The following CFDP1 variants were observed in gnomAD, a reference collection of about 807,000 sequenced individuals.
CFDP1 encodes chromatin remodeling protein CFDP1, also known as heterochromatin-stabilizing protein CFDP1.
Under a neutral mutation model 40.1 loss-of-function variants are expected in CFDP1, and 31 were observed. That is an observed-to-expected ratio of 0.77 (90% CI 0.58 to 1.04). The LOEUF is 1.04. Ranked by LOEUF, CFDP1 falls within the 50% of genes least tolerant of loss-of-function variation. The probability of loss-of-function intolerance (pLI) is 0.00; values close to 1 mark genes in which losing one functional copy is unlikely to be tolerated. For synonymous variants in CFDP1, 167 were observed against 120.0 expected (o/e 1.39, Z -2.56); for missense variants, 423 against 343.4 (o/e 1.23, Z -1.83).
chr16:75,315,903 C>G (rs1042721311), intron 5 of CFDP1, among the ~76,000 whole-genome samples: 2 of 152,190 alleles, frequency 1.3e-5, no homozygotes, highest in Non-Finnish European at 2.9e-5. Context: ...TCCCCATTCT[C>G]TCTCAAAATG....
chr16:75,338,950 C>T (rs912192834), intron 5 of CFDP1, among the ~76,000 whole-genome samples: 2 of 152,136 alleles, frequency 1.3e-5, no homozygotes, highest in African/African-American at 2.4e-5. Context: ...CTGGACGCTT[C>T]CATTATATGT....
At chr16:75,303,976 T>C (rs956406687) in intron 6 of CFDP1, among the ~76,000 whole-genome samples, 3 of 152,206 alleles carry the variant, frequency 2.0e-5, no homozygotes, top group Admixed American at 2.0e-4. Flanking sequence ...TTTTGAGCCA[T>C]GAAGCCACTT....
chr16:75,427,439 G>A (rs1345369987), intron 1 of CFDP1, among the ~76,000 whole-genome samples: 2 of 152,046 alleles, frequency 1.3e-5, no homozygotes, highest in Non-Finnish European at 2.9e-5. Context: ...TTTTAGTAGA[G>A]ACAGGGTTTC....
intron 6 of CFDP1, among the ~76,000 whole-genome samples, chr16:75,295,141 T>A (rs1049628141): frequency 6.6e-6 from 1 of 152,240 alleles, no homozygotes; most frequent in Non-Finnish European, 1.5e-5. Context: ...ATAGTGAGAA[T>A]GCTACCAGGT....
intron 5 of CFDP1, among the ~76,000 whole-genome samples, chr16:75,362,603 CAAGCTGTAAGTT>C (rs1386056277): frequency 2.0e-5 from 3 of 152,184 alleles, no homozygotes; most frequent in Non-Finnish European, 4.4e-5. Flanking sequence ...ACCTACAACA[CAAGCTGTAAGTT>C]AAGGTACCCT....
At chr16:75,417,372 AT>A (rs2151591543) in intron 1 of CFDP1, among the ~76,000 whole-genome samples, 1 of 152,320 alleles carries the variant, frequency 6.6e-6, no homozygotes, top group Admixed American at 6.5e-5. Context: ...CATCTAAATA[AT>A]GGAATACCAC....
intron 5 of CFDP1, among the ~76,000 whole-genome samples, chr16:75,352,290 G>C (rs377419272): frequency 2.0e-5 from 3 of 151,250 alleles, no homozygotes; most frequent in Non-Finnish European, 3.0e-5. Context: ...GCAGTGAGTC[G>C]AGATCACGCC....
intron 5 of CFDP1, among the ~76,000 whole-genome samples, chr16:75,362,270 G>A (rs1164556516): frequency 6.6e-6 from 1 of 152,148 alleles, no homozygotes; most frequent in Non-Finnish European, 1.5e-5. Context: ...GGCCTATGGT[G>A]TAGCATCCTA....
chr16:75,396,737 G>A (rs1303770451), intron 4 of CFDP1, among the ~76,000 whole-genome samples: 1 of 127,776 alleles, frequency 7.8e-6, no homozygotes, highest in East Asian at 2.3e-4. Flanking sequence ...CTCAAATAAA[G>A]GTATTTATGG....
At chr16:75,368,142 C>A (rs2078728804) in intron 5 of CFDP1, among the ~76,000 whole-genome samples, 1 of 152,062 alleles carries the variant, frequency 6.6e-6, no homozygotes, top group South Asian at 2.1e-4. Context: ...AATATGTGGA[C>A]CTTGTTTACA....
chr16:75,328,543 G>C (rs1345255559), intron 5 of CFDP1, among the ~76,000 whole-genome samples: 4 of 135,504 alleles, frequency 3.0e-5, no homozygotes, highest in African/African-American at 1.1e-4. Context: ...AGGGCGCAGT[G>C]AGCCAAGATC....
chr16:75,389,306 A>T (rs2078928008), intron 5 of CFDP1, among the ~76,000 whole-genome samples: 1 of 152,222 alleles, frequency 6.6e-6, no homozygotes, highest in Non-Finnish European at 1.5e-5. Flanking sequence ...ATGAGAATTT[A>T]GACACATTAA....
intron 1 of CFDP1, among the ~76,000 whole-genome samples, chr16:75,425,390 C>CAAAAAA (rs34282121): frequency 3.0e-5 from 3 of 99,030 alleles, no homozygotes; most frequent in African/African-American, 8.4e-5. Context: ...CCATCCCCCT[C>CAAAAAA]AAAAAAAAAA....
At chr16:75,318,686 G>A (rs934041506) in intron 5 of CFDP1, among the ~76,000 whole-genome samples, 1 of 152,134 alleles carries the variant, frequency 6.6e-6, no homozygotes, top group Non-Finnish European at 1.5e-5. Context: ...TTACAGGCGT[G>A]AGCCACTGCG....
intron 5 of CFDP1, among the ~76,000 whole-genome samples, chr16:75,365,444 T>C (rs1251360424): frequency 6.6e-6 from 1 of 152,214 alleles, no homozygotes; most frequent in East Asian, 1.9e-4. Flanking sequence ...AGTCAGTCTC[T>C]GTGGCACAGA....
chr16:75,383,875 G>A (rs1197877265), intron 5 of CFDP1, among the ~76,000 whole-genome samples: 1 of 149,264 alleles, frequency 6.7e-6, no homozygotes, highest in Non-Finnish European at 1.5e-5. Context: ...TTATCTCAGT[G>A]TTTATAAAAT....
chr16:75,357,472 C>T (rs2078652622), intron 5 of CFDP1, among the ~76,000 whole-genome samples: 1 of 152,064 alleles, frequency 6.6e-6, no homozygotes, highest in South Asian at 2.1e-4. Context: ...CCAGGCTGGT[C>T]TCGAACTCCT....
At position 75,305,094 on chromosome 16, in the gene CFDP1, C is replaced by T. The variant is rs1417410072; in HGVS notation, c.739G>A (p.Asp247Asn). The change falls in exon 6 of 7, where the codon GAC becomes AAC. Residue 247 changes from aspartate (D) to asparagine (N), a missense_variant. Physicochemically the swap from Asp to Asn is conservative, Grantham distance 23. Transcript: ENST00000283882. ...KMSTLEKSKL[D>N]WESFKEEEGI... ...TCTTCCTCCTTGAAGCTCTCCCAGT[C>T]CAGTTTGGACTTCTCAAGGGTGCTC... 1 of 1,614,208 alleles carries T rather than the reference C, an allele frequency of 6.2e-7. No homozygotes were observed. Among genetic ancestry groups the T allele is most frequent in the South Asian group, 1.1e-5 (1 of 91,088 alleles).
intron 5 of CFDP1, among the ~76,000 whole-genome samples, chr16:75,389,268 C>T (rs940666014): frequency 2.0e-5 from 3 of 152,106 alleles, no homozygotes; most frequent in Non-Finnish European, 4.4e-5. Context: ...AGGGAAGAGG[C>T]GGATCAAGAG....
Sources: allele counts gnomAD v4.1 joint callset (sites outside exome capture counted in the v4.1 genomes callset), GRCh38; gene constraint gnomAD v4.1.1; transcripts MANE v1.5; gene names NCBI Gene and HGNC (gene_info 2026-07-23, HGNC 2026-07-21).